Variants in DMD observed in about 807,000 individuals in gnomAD.
DMD encodes the protein dystrophin.
A neutral mutation model predicts 330.1 loss-of-function variants in DMD; 63 were observed. The ratio of observed to expected loss-of-function variants is 0.19; its 90% CI spans 0.16 to 0.24. The LOEUF (loss-of-function observed/expected upper bound fraction) is 0.24. Ranked by LOEUF, DMD falls within the 10% of genes least tolerant of loss-of-function variation. The pLI is 1.00. For missense variants in DMD, 3,344 were observed against 2,684.1 expected, an observed-to-expected ratio of 1.25 and a Z score of -5.43; for synonymous variants, 1,223 against 959.8, an observed-to-expected ratio of 1.27 and a Z score of -5.07.
intron 9 of DMD, among the ~76,000 whole-genome samples, chrX:32,650,721 G>C (rs1416629346): frequency 1.8e-5 from 2 of 111,653 alleles, no homozygotes; most frequent in African/African-American, 3.3e-5. Context: ...ATATAGATAG[G>C]GCCTGAAATT....
intron 55 of DMD, among the ~76,000 whole-genome samples, chrX:31,525,302 A>T (rs1361255943): frequency 8.9e-6 from 1 of 112,117 alleles, no homozygotes; most frequent in Non-Finnish European, 1.9e-5. Flanking sequence ...TTTTTAAAAC[A>T]TAACATGACA....
Position 32,813,379 on chromosome X carries a change from C to A in DMD, c.530+3089G>T, listed in dbSNP as rs774654116. Among the ~76,000 whole-genome samples the A allele has an allele frequency of 6.3e-5, 7 of 111,212 alleles. No individual in the cohort carries two copies. In the South Asian group the frequency reaches 1.9e-3, roughly 30 times the overall value. On this transcript the variant is annotated intron_variant, in intron 6 of 78. Transcript: ENST00000357033. ...CACCAGATTTTTAATTAAATCAACA[C>A]CATGATTAGGATAGTGTAAATTTAA...
chrX:32,358,556 G>A (rs1051430153), intron 37 of DMD, among the ~76,000 whole-genome samples: 10 of 111,827 alleles, frequency 8.9e-5, no homozygotes, highest in South Asian at 7.5e-4. Flanking sequence ...AAAGTCATTG[G>A]ATACTCTTAG....
At position 32,697,970 on chromosome X, in the gene DMD, T is replaced by G. The variant is rs1485322486; in HGVS notation, c.860A>C (p.Glu287Ala). 1.7e-6 allele frequency: 2 copies of G among 1,201,455 alleles called. No homozygotes were observed. The highest frequency in any genetic ancestry group is 4.5e-5 in the Admixed American group (2 of 44,603). ...QITVSLAQGY[E>A]RTSSPKPRFK... ...TCGAGGCTTAGGGGAAGAAGTTCTC[T>G]CATATCCCTGTGCTAGACTGACCGT... Residue 287 changes from glutamate to alanine, a missense_variant, in exon 9 of 79, where the codon GAG (glutamate) becomes GCG (alanine). Coordinates refer to ENST00000357033, the MANE Select transcript of DMD (RefSeq NM_004006.3).
intron 7 of DMD, among the ~76,000 whole-genome samples, chrX:32,774,817 T>G (rs1463541745): frequency 9.1e-6 from 1 of 110,324 alleles, no homozygotes; most frequent in African/African-American, 3.3e-5. Flanking sequence ...GTCATCACAT[T>G]TCAAAACACA....
intron 55 of DMD, among the ~76,000 whole-genome samples, chrX:31,558,500 C>T (rs190216497): frequency 8.7e-4 from 97 of 111,417 alleles, no homozygotes; most frequent in African/African-American, 3.1e-3. Flanking sequence ...AGGCTTCAAT[C>T]ACACTTTGCA....
intron 47 of DMD, among the ~76,000 whole-genome samples, chrX:31,903,353 A>C (rs1302369885): frequency 8.9e-6 from 1 of 111,741 alleles, no homozygotes; most frequent in Admixed American, 9.5e-5. Flanking sequence ...ATCTCAAAGG[A>C]AAGTTGGACA....
chrX:31,730,667 A>G (rs2086438464), intron 51 of DMD, among the ~76,000 whole-genome samples: 1 of 111,610 alleles, frequency 9.0e-6, no homozygotes. Context: ...CTCTGGTTCT[A>G]AAACTCAGTA....
intron 60 of DMD, among the ~76,000 whole-genome samples, chrX:31,407,589 A>G (rs2061456609): frequency 9.4e-6 from 1 of 106,143 alleles, no homozygotes; most frequent in Non-Finnish European, 1.9e-5. Flanking sequence ...CTCCTGCCTC[A>G]GCCTCCCGAG....
chrX:33,205,304 T>A (rs1254029295), intron 1 of DMD, among the ~76,000 whole-genome samples: 2 of 112,653 alleles, frequency 1.8e-5, no homozygotes, highest in African/African-American at 6.4e-5. Context: ...AATACATCGT[T>A]CTTAAGCACC....
chrX:32,982,626 C>T (rs1339899164), intron 2 of DMD, among the ~76,000 whole-genome samples: 1 of 111,400 alleles, frequency 9.0e-6, no homozygotes, highest in South Asian at 3.8e-4. Context: ...CAGAAGAAGA[C>T]GACGGAGTTT....
At chrX:31,414,276 AAGT>A (rs2061769772) in intron 60 of DMD, among the ~76,000 whole-genome samples, 1 of 111,451 alleles carries the variant, frequency 9.0e-6, no homozygotes, top group Non-Finnish European at 1.9e-5. Context: ...CGGCCTCCCA[AAGT>A]GCTGGGATTA....
In DMD at chrX:32,742,089, C is replaced by T. The variant is rs145671393; in HGVS notation, c.650-42796G>A. ...CTGTTCAGTGCCCTTGACTATGGTG[C>T]CGTACACTTGGCTATGGTCATGCCA... is the stretch of plus-strand genomic sequence containing the variant. On this transcript the variant is annotated intron_variant, in intron 7 of 78. Transcript: ENST00000357033. Among the ~76,000 whole-genome samples, 543 of 111,468 alleles carry T rather than the reference C, an allele frequency of 4.9e-3. 3 individuals carry two copies. The highest frequency in any genetic ancestry group is 8.4e-3 in the Non-Finnish European group (446 of 53,073).
At chrX:31,823,058 C>T (rs1464754867) in intron 49 of DMD, among the ~76,000 whole-genome samples, 1 of 111,512 alleles carries the variant, frequency 9.0e-6, no homozygotes, top group Non-Finnish European at 1.9e-5. Context: ...TTAGATTGTA[C>T]GACCCAACCC....
At chrX:32,811,440 C>A (rs1452404132) in intron 6 of DMD, among the ~76,000 whole-genome samples, 2 of 111,864 alleles carry the variant, frequency 1.8e-5, no homozygotes, top group African/African-American at 6.5e-5. Context: ...TTAACACTTA[C>A]TATTTAACGT....
chrX:31,266,733 C>T (rs2051166840), intron 62 of DMD: 4 of 1,043,952 alleles, frequency 3.8e-6, no homozygotes, highest in East Asian at 6.4e-5. Flanking sequence ...TTTTGACCGC[C>T]TCAGCTTGCC....
chrX:32,547,311 G>A (rs2049070569), intron 16 of DMD, among the ~76,000 whole-genome samples: 1 of 110,654 alleles, frequency 9.0e-6, no homozygotes, highest in Non-Finnish European at 1.9e-5. Flanking sequence ...TATAAAATTG[G>A]ATACATGTGC....
chrX:31,246,416 G>A (rs891743782), intron 63 of DMD, among the ~76,000 whole-genome samples: 15 of 112,545 alleles, frequency 1.3e-4, no homozygotes, highest in African/African-American at 4.8e-4. Flanking sequence ...ATGGATGAAG[G>A]TGGCTACAAC....
At chrX:31,544,342 G>T (rs924946506) in intron 55 of DMD, among the ~76,000 whole-genome samples, 9 of 104,497 alleles carry the variant, frequency 8.6e-5, no homozygotes, top group Middle Eastern at 4.4e-3. Flanking sequence ...AAAAAAAAAA[G>T]GATTCAAGTT....
Sources: gnomAD v4.1 joint callset for allele counts (sites outside exome capture counted in the v4.1 genomes callset) on GRCh38, gnomAD v4.1.1 for gene constraint, MANE v1.5 for transcripts, NCBI Gene and HGNC (gene_info 2026-07-23, HGNC 2026-07-21) for gene names.